Variants in ARHGEF10L observed in about 807,000 individuals in gnomAD.
ARHGEF10L encodes rho guanine nucleotide exchange factor 10-like protein.
In ARHGEF10L, 69 loss-of-function variants were observed where a neutral mutation model predicts 141.2. That is an observed-to-expected ratio of 0.49 (90% CI 0.40 to 0.60). The LOEUF (loss-of-function observed/expected upper bound fraction) is 0.60. Among genes scored for constraint, ARHGEF10L ranks in the 20% least tolerant of loss-of-function variants. ARHGEF10L has a pLI of 0.00. For synonymous variants in ARHGEF10L, 711 were observed against 718.5 expected (o/e 0.99, Z 0.17); for missense variants, 1,482 against 1,734.3 (o/e 0.85, Z 2.58).
chr1:17,515,301 T>C, the ARHGEF10L span, among the ~76,000 whole-genome samples: 1 of 151,238 alleles, frequency 6.6e-6, no homozygotes, highest in Non-Finnish European at 1.5e-5. Flanking sequence ...CTTTTTTTTT[T>C]TTTTTTGTTT....
In ARHGEF10L at chr1:17,541,649, G is replaced by A. The variant is rs2076731993; in HGVS notation, c.-44+1699G>A. Among the ~76,000 whole-genome samples, 2 of 152,008 alleles carry A rather than the reference G, an allele frequency of 1.3e-5. 1 individual carries two copies. The highest frequency in any genetic ancestry group is 4.8e-5 in the African/African-American group (2 of 41,384). ...AGTTCGGGATCAGCTTGGCCAACAT[G>A]GTGAAACCCTGTCTTTACTAAAAAT... On this transcript the variant is annotated intron_variant, in intron 1 of 28. Transcript: ENST00000361221.
intron 21 of ARHGEF10L, among the ~76,000 whole-genome samples, chr1:17,647,450 G>A (rs1007111766): frequency 6.6e-6 from 1 of 152,214 alleles, no homozygotes; most frequent in African/African-American, 2.4e-5. Context: ...TGCTGGAAGG[G>A]AGTCCTCATA....
intron 10 of ARHGEF10L, among the ~76,000 whole-genome samples, chr1:17,620,924 G>T (rs1289144088): frequency 6.6e-6 from 1 of 152,170 alleles, no homozygotes; most frequent in Non-Finnish European, 1.5e-5. Flanking sequence ...GAAGGTCTGG[G>T]GTGGGAGCCA....
At chr1:17,670,073 T>G (rs1364348578) in intron 26 of ARHGEF10L, among the ~76,000 whole-genome samples, 1 of 152,302 alleles carries the variant, frequency 6.6e-6, no homozygotes, top group East Asian at 1.9e-4. Context: ...GAAGTGATGT[T>G]CTGGCCAGAA....
chr1:17,526,669 CGAGGTGGGCA>C, the ARHGEF10L span, among the ~76,000 whole-genome samples: 2 of 152,088 alleles, frequency 1.3e-5, no homozygotes, highest in African/African-American at 4.8e-5. Flanking sequence ...TTGGGGAGGC[CGAGGTGGGCA>C]GATTGCTTGA....
In ARHGEF10L at chr1:17,539,782, G is replaced by A. The variant is rs1199143303; in HGVS notation, c.-212G>A. The A allele has an allele frequency of 6.8e-6, 1 of 146,690 alleles. No homozygotes were observed. Among genetic ancestry groups the A allele is most frequent in the African/African-American group, 2.4e-5 (1 of 40,848 alleles). 9.1% of individuals were successfully genotyped at this position (146,690 alleles called of 1,614,324 possible). ...GTCCCGGCGGGCCCGGACCTCGCGG[G>A]CGGGCGGGCGGCGCGGCCATTGGCT... is the stretch of plus-strand genomic sequence containing the variant. On this transcript the variant is annotated 5_prime_UTR_variant, in exon 1 of 29. Coordinates refer to ENST00000361221, the MANE Select transcript of ARHGEF10L (RefSeq NM_018125.4). This position sits in a 1 kb window ranked among gnomAD's most constrained non-coding sequence, Gnocchi z 6.0.
intron 1 of ARHGEF10L, among the ~76,000 whole-genome samples, chr1:17,560,849 G>A (rs2077517342): frequency 6.6e-6 from 1 of 152,210 alleles, no homozygotes. Context: ...ACAGGTGTGA[G>A]CCACTGCGCC....
chr1:17,669,997 C>T (rs1032329172), intron 26 of ARHGEF10L, among the ~76,000 whole-genome samples: 1 of 152,262 alleles, frequency 6.6e-6, no homozygotes, highest in Admixed American at 6.5e-5. Context: ...AGACAGTTGT[C>T]TGGAGGCCAG....
chr1:17,560,515 G>T (rs996480816), intron 1 of ARHGEF10L, among the ~76,000 whole-genome samples: 2 of 152,202 alleles, frequency 1.3e-5, no homozygotes, highest in Admixed American at 6.5e-5. Context: ...ACACTTGAGT[G>T]CAGTAATGGG....
chr1:17,695,133 G>A lies in ARHGEF10L; in HGVS notation c.3185-25G>A, dbSNP rs371139414. ...CATGCTGTCTCCCCAGGAGGGCACTGCTCAGCCGCCCTCTCTTTCTGCAGG... is the reference window on the plus strand; with the variant it reads ...CATGCTGTCTCCCCAGGAGGGCACTACTCAGCCGCCCTCTCTTTCTGCAGG... On this transcript the variant is annotated intron_variant, in intron 27 of 28. Coordinates refer to ENST00000361221, the MANE Select transcript of ARHGEF10L (RefSeq NM_018125.4). The A allele has an allele frequency of 2.2e-5, 36 of 1,611,598 alleles. No individual in the cohort carries two copies. In the African/African-American group the frequency reaches 3.6e-4, roughly 16 times the overall value.
In ARHGEF10L at chr1:17,656,247, C is replaced by T. The variant is rs1301442504; in HGVS notation, c.2705+145C>T. ...CCAGGAAGGTGGGCACCAGAGCTGCCCAGTGTGGGAGCCAAAGTGTCGGGA... is the reference window on the plus strand; with the variant it reads ...CCAGGAAGGTGGGCACCAGAGCTGCTCAGTGTGGGAGCCAAAGTGTCGGGA... On this transcript the variant is annotated intron_variant, in intron 24 of 28. Coordinates refer to ENST00000361221, the MANE Select transcript of ARHGEF10L (RefSeq NM_018125.4). This position sits in a 1 kb window ranked among gnomAD's most constrained non-coding sequence, Gnocchi z 4.9. The T allele has an allele frequency of 9.4e-7, 1 of 1,063,134 alleles. No homozygotes were observed. Among genetic ancestry groups the T allele is most frequent in the East Asian group, 2.6e-5 (1 of 38,352 alleles). The allele number at this position is 1,063,134 out of a possible 1,614,324, so 65.9% of individuals were successfully genotyped here.
At chr1:17,559,727 A>G (rs912477095) in intron 1 of ARHGEF10L, among the ~76,000 whole-genome samples, 3 of 152,122 alleles carry the variant, frequency 2.0e-5, no homozygotes, top group Non-Finnish European at 4.4e-5. Context: ...AAGGAAAGGG[A>G]CCGTCATGTG....
At chr1:17,593,752 TG>T (rs1164242581) in intron 4 of ARHGEF10L, among the ~76,000 whole-genome samples, 2 of 151,124 alleles carry the variant, frequency 1.3e-5, no homozygotes, top group African/African-American at 4.9e-5. Context: ...AGATTTGTGT[TG>T]TAAGTCACTA....
the ARHGEF10L span, among the ~76,000 whole-genome samples, chr1:17,531,985 G>C: frequency 2.0e-5 from 3 of 152,100 alleles, no homozygotes; most frequent in Admixed American, 6.6e-5. Flanking sequence ...AGGCGAGCCA[G>C]TGGGAGCTGA....
Position 17,573,270 on chromosome 1 carries a change from C to T in ARHGEF10L, c.-43-7283C>T, listed in dbSNP as rs759654561. 2.0e-5 allele frequency among the ~76,000 whole-genome samples: 3 copies of T among 152,178 alleles called. No homozygotes were observed. Among genetic ancestry groups the T allele is most frequent in the African/African-American group, 7.2e-5 (3 of 41,446 alleles). ...AGTGGCGAGGGCCCAGCAGCGAGGA[C>T]GCCCAGCAGCTGGGAGGCGGGCATC... On this transcript the variant is annotated intron_variant, in intron 1 of 28. Coordinates refer to ENST00000361221, the MANE Select transcript of ARHGEF10L (RefSeq NM_018125.4). This position sits in a 1 kb window ranked among gnomAD's most constrained non-coding sequence, Gnocchi z 4.8.
chr1:17,608,041 G>T (rs1182769825), intron 7 of ARHGEF10L, 64 bp downstream of exon 7: 4 of 565,508 alleles, frequency 7.1e-6, no homozygotes, highest in Non-Finnish European at 1.1e-5. Context: ...GGGAGGGAGG[G>T]AGGGAGGGAG....
chr1:17,544,749 TA>T (rs1261917548), intron 1 of ARHGEF10L, among the ~76,000 whole-genome samples: 1 of 152,146 alleles, frequency 6.6e-6, no homozygotes, highest in Non-Finnish European at 1.5e-5. Context: ...TTCATACTGC[TA>T]TGAAGAAATA....
intron 25 of ARHGEF10L, among the ~76,000 whole-genome samples, chr1:17,661,720 G>C (rs963692931): frequency 6.6e-6 from 1 of 152,210 alleles, no homozygotes; most frequent in Non-Finnish European, 1.5e-5. Flanking sequence ...TTAGACTCCA[G>C]CTTCCAGCCA....
intron 15 of ARHGEF10L, 103 bp from the exon 16 acceptor site, chr1:17,632,218 G>A: frequency 1.4e-6 from 2 of 1,470,960 alleles, no homozygotes; most frequent in Admixed American, 1.7e-5. Context: ...ACCTCTCCCA[G>A]CCTCAGTCTC....
Sources: allele counts gnomAD v4.1 joint callset (sites outside exome capture counted in the v4.1 genomes callset), GRCh38; gene constraint gnomAD v4.1.1; non-coding constraint Gnocchi (gnomAD v3.1); transcripts MANE v1.5; gene names NCBI Gene and HGNC (gene_info 2026-07-23, HGNC 2026-07-21).